Variants in NTM observed in about 807,000 individuals in gnomAD.
NTM encodes IgLON family member 2.
Under a neutral mutation model 42.1 loss-of-function variants are expected in NTM, and 13 were observed. The observed-to-expected ratio is 0.31, with a 90% CI of 0.20 to 0.49. The LOEUF is 0.49. Among genes scored for constraint, NTM ranks in the 20% least tolerant of loss-of-function variants. The probability of loss-of-function intolerance (pLI) is 0.99; values close to 1 mark genes in which losing one functional copy is unlikely to be tolerated. For missense variants in NTM, 373 were observed against 452.8 expected, an observed-to-expected ratio of 0.82 and a Z score of 1.60; for synonymous variants, 187 against 179.2, an observed-to-expected ratio of 1.04 and a Z score of -0.35.
chr11:131,666,959 G>C (rs1463027566), intron 1 of NTM, among the ~76,000 whole-genome samples: 1 of 152,210 alleles, frequency 6.6e-6, no homozygotes, highest in Admixed American at 6.5e-5. Flanking sequence ...GGGGTCTGGG[G>C]CCGTGCAGTG....
At chr11:132,009,456 C>T (rs1175720685) in intron 2 of NTM, among the ~76,000 whole-genome samples, 1 of 152,000 alleles carries the variant, frequency 6.6e-6, no homozygotes, top group Non-Finnish European at 1.5e-5. Flanking sequence ...GGAATAAAAT[C>T]CTACTGCAGA....
chr11:131,692,058 AAGGGAGGAAAAACAGAGGAAACGGGC>A (rs1422374649), intron 1 of NTM, among the ~76,000 whole-genome samples: 3 of 152,170 alleles, frequency 2.0e-5, no homozygotes, highest in Admixed American at 6.5e-5. Flanking sequence ...TCTCAAAGGG[AAGGGAGGAAAAACAGAGGAAACGGGC>A]AGGGAGTCAC....
intron 1 of NTM, among the ~76,000 whole-genome samples, chr11:131,586,043 A>G (rs1337092087): frequency 1.3e-5 from 2 of 152,182 alleles, no homozygotes; most frequent in African/African-American, 4.8e-5. Context: ...GTGAAATTAC[A>G]CACTGTCATA....
At chr11:131,659,450 C>T (rs2067661249) in intron 1 of NTM, among the ~76,000 whole-genome samples, 1 of 152,118 alleles carries the variant, frequency 6.6e-6, no homozygotes, top group African/African-American at 2.4e-5. Context: ...GCTGAGCCCT[C>T]AGCCCAAGCT....
intron 2 of NTM, among the ~76,000 whole-genome samples, chr11:131,948,010 G>A (rs1049797786): frequency 6.6e-6 from 1 of 152,074 alleles, no homozygotes; most frequent in African/African-American, 2.4e-5. Flanking sequence ...TCCATGCAAT[G>A]CTATCTTTGT....
intron 1 of NTM, among the ~76,000 whole-genome samples, chr11:131,438,773 G>A (rs1565500672): frequency 6.6e-6 from 1 of 152,194 alleles, no homozygotes; most frequent in Non-Finnish European, 1.5e-5. Context: ...ACCTTCTGAA[G>A]GCTACTTCTG....
intron 3 of NTM, among the ~76,000 whole-genome samples, chr11:132,147,986 A>G (rs2070940306): frequency 6.6e-6 from 1 of 152,162 alleles, no homozygotes. Flanking sequence ...AGAGGAGGAC[A>G]CATGAGAACA....
intron 1 of NTM, among the ~76,000 whole-genome samples, chr11:131,515,565 G>C (rs2048797681): frequency 6.6e-6 from 1 of 152,224 alleles, no homozygotes; most frequent in Non-Finnish European, 1.5e-5. Context: ...TGAGGTAGGA[G>C]TTCTACATGG....
chr11:131,677,130 C>T (rs1352120230), intron 1 of NTM, among the ~76,000 whole-genome samples: 1 of 152,194 alleles, frequency 6.6e-6, no homozygotes, highest in African/African-American at 2.4e-5. Context: ...GAACTCTGTG[C>T]CCTGGTGGCC....
intron 1 of NTM, among the ~76,000 whole-genome samples, chr11:131,765,484 T>C (rs1425928716): frequency 2.6e-5 from 4 of 152,170 alleles, no homozygotes; most frequent in African/African-American, 7.2e-5. Flanking sequence ...TTCTATCTTA[T>C]CCGCTTATGT....
chr11:132,173,413 C>T (rs766137151), intron 3 of NTM, among the ~76,000 whole-genome samples: 4 of 152,106 alleles, frequency 2.6e-5, no homozygotes, highest in South Asian at 4.2e-4. Flanking sequence ...TGCTTTTAAC[C>T]GTCTCTATTT....
At chr11:131,510,200 G>A (rs1378812347) in intron 1 of NTM, among the ~76,000 whole-genome samples, 2 of 152,206 alleles carry the variant, frequency 1.3e-5, no homozygotes, top group African/African-American at 4.8e-5. Context: ...CGGAGAATGA[G>A]CCCTACACTG....
intron 1 of NTM, among the ~76,000 whole-genome samples, chr11:131,848,013 A>T (rs1251431874): frequency 6.6e-6 from 1 of 152,192 alleles, no homozygotes; most frequent in African/African-American, 2.4e-5. Flanking sequence ...TATTTGTAAC[A>T]TTTTAACCAG....
chr11:131,901,396 A>G (rs1202363196), intron 1 of NTM, among the ~76,000 whole-genome samples: 1 of 152,230 alleles, frequency 6.6e-6, no homozygotes, highest in African/African-American at 2.4e-5. Context: ...ACTTTTCCAC[A>G]TATCCAAATA....
intron 1 of NTM, among the ~76,000 whole-genome samples, chr11:131,748,429 T>C (rs2082084467): frequency 6.6e-6 from 1 of 152,230 alleles, no homozygotes; most frequent in African/African-American, 2.4e-5. Context: ...TGGTCTTGAA[T>C]TAATACCATT....
intron 2 of NTM, among the ~76,000 whole-genome samples, chr11:132,142,579 G>A (rs1266671029): frequency 1.3e-5 from 2 of 152,198 alleles, no homozygotes; most frequent in African/African-American, 4.8e-5. Context: ...GCAGGTGTGA[G>A]GAGGTGACAG....
At chr11:132,074,951 A>G (rs766163503) in intron 2 of NTM, among the ~76,000 whole-genome samples, 4 of 152,192 alleles carry the variant, frequency 2.6e-5, no homozygotes, top group Non-Finnish European at 5.9e-5. Flanking sequence ...AAAAATCACT[A>G]TGTTCCCTAT....
In NTM at chr11:131,562,029, T is replaced by A. The variant is rs11604434; in HGVS notation, c.82+191141T>A. The stretch of plus-strand genomic sequence containing the variant: ...GTCATTTTTCTCTCTGTTATTACTA[T>A]TTTTTATTTTTTAGGATTTTTTTGG... On this transcript the variant is annotated intron_variant, in intron 1 of 8. Coordinates refer to ENST00000683400, the MANE Select transcript of NTM (RefSeq NM_001352005.2). Among the ~76,000 whole-genome samples the A allele has an allele frequency of 3.9e-5, 6 of 152,268 alleles. No individual in the cohort carries two copies. In the East Asian group the frequency reaches 1.2e-3, roughly 29 times the overall value.
intron 1 of NTM, among the ~76,000 whole-genome samples, chr11:131,751,284 A>T (rs1034349053): frequency 4.0e-5 from 6 of 151,580 alleles, no homozygotes; most frequent in Admixed American, 6.6e-5. Flanking sequence ...AATAAAAAAT[A>T]AATAAATAAA....
Sources: gnomAD v4.1 joint callset for allele counts (sites outside exome capture counted in the v4.1 genomes callset) on GRCh38, gnomAD v4.1.1 for gene constraint, MANE v1.5 for transcripts, NCBI Gene and HGNC (gene_info 2026-07-23, HGNC 2026-07-21) for gene names.